Variants in TRMT1L observed in about 807,000 individuals in gnomAD.
The protein encoded by TRMT1L is tRNA (guanine(27)-N(2))-dimethyltransferase.
In TRMT1L, 28 loss-of-function variants were observed where a neutral mutation model predicts 81.6. The ratio of observed to expected loss-of-function variants is 0.34; its 90% confidence interval spans 0.25 to 0.47. The LOEUF is 0.47. Ranked by LOEUF, TRMT1L falls within the 20% of genes least tolerant of loss-of-function variation. The pLI, the probability that TRMT1L is intolerant of heterozygous loss-of-function variation, is 1.00. For missense variants in TRMT1L, 739 were observed against 877.1 expected, an observed-to-expected ratio of 0.84 and a Z score of 1.99; for synonymous variants, 301 against 303.2, an observed-to-expected ratio of 0.99 and a Z score of 0.07.
At chr1:185,123,997 T>C in intron 12 of TRMT1L, 78 bp from the exon 13 acceptor site, 5 of 816,114 alleles carry the variant, frequency 6.1e-6, no homozygotes, top group Non-Finnish European at 9.1e-6. Context: ...AATAAAAGTT[T>C]ATGAAATTCC....
intron 13 of TRMT1L, among the ~76,000 whole-genome samples, chr1:185,121,693 G>A (rs1389254770): frequency 6.6e-6 from 1 of 151,886 alleles, no homozygotes; most frequent in Non-Finnish European, 1.5e-5. Flanking sequence ...AGCATCTGAG[G>A]CAAAAAATCT....
chr1:185,134,209 G>A (rs1433609342), intron 10 of TRMT1L, among the ~76,000 whole-genome samples: 1 of 151,766 alleles, frequency 6.6e-6, no homozygotes, highest in Non-Finnish European at 1.5e-5. Flanking sequence ...TTGAGAGGGA[G>A]TCTTGCTCTG....
chr1:185,143,830 A>G, intron 6 of TRMT1L, 76 bp downstream of exon 6: 1 of 1,268,520 alleles, frequency 7.9e-7, no homozygotes. Context: ...TTAATATATT[A>G]GAACATAAAG....
intron 11 of TRMT1L, among the ~76,000 whole-genome samples, chr1:185,128,090 G>C (rs543229713): frequency 4.4e-4 from 67 of 152,124 alleles, no homozygotes; most frequent in African/African-American, 1.6e-3. Context: ...CTCCAGCCTG[G>C]GTGACAAGAG....
intron 3 of TRMT1L, 28 bp from the exon 4 acceptor site, chr1:185,147,274 A>G (rs761704698): frequency 6.5e-7 from 1 of 1,536,492 alleles, no homozygotes; most frequent in Admixed American, 1.8e-5. Flanking sequence ...TGGTTATCAT[A>G]CATTGTTCAT....
At chr1:185,141,188 G>A (rs189771073) in intron 7 of TRMT1L, among the ~76,000 whole-genome samples, 2 of 152,082 alleles carry the variant, frequency 1.3e-5, no homozygotes, top group African/African-American at 2.4e-5. Context: ...CTCCATACAC[G>A]TGTCTCATGA....
At chr1:185,126,763 C>T (rs373836471) in intron 11 of TRMT1L, among the ~76,000 whole-genome samples, 8 of 152,132 alleles carry the variant, frequency 5.3e-5, no homozygotes, top group East Asian at 3.9e-4. Flanking sequence ...CCCAGCACTT[C>T]GGGAGGCCGA....
chr1:185,147,082 C>A, intron 4 of TRMT1L, 100 bp downstream of exon 4: 1 of 673,022 alleles, frequency 1.5e-6, no homozygotes, highest in Admixed American at 2.8e-5. Flanking sequence ...AAGTAAACCA[C>A]ACTGCTGAAC....
At chr1:185,151,787 G>T in intron 2 of TRMT1L, 38 bp downstream of exon 2, 2 of 1,319,588 alleles carry the variant, frequency 1.5e-6, no homozygotes, top group African/African-American at 1.5e-5. Context: ...TAAATTATTA[G>T]AAACTAAGAA....
At chr1:185,131,659 TTTAAATAAGAGTTGGAAAATAAAAA>T (rs1476134281) in intron 10 of TRMT1L, among the ~76,000 whole-genome samples, 1 of 150,540 alleles carries the variant, frequency 6.6e-6, no homozygotes, top group East Asian at 1.9e-4. Flanking sequence ...ATGACAGAAA[TTTAAATAAGAGTTGGAAAATAAAAA>T]TTAAGGAAAA....
intron 4 of TRMT1L, 126 bp downstream of exon 4, chr1:185,147,056 G>A: frequency 3.9e-6 from 2 of 510,696 alleles, no homozygotes; most frequent in Non-Finnish European, 6.8e-6. Flanking sequence ...AATCTGAAAG[G>A]ACTCAGAGAA....
intron 4 of TRMT1L, among the ~76,000 whole-genome samples, chr1:185,146,771 T>C (rs868275934): frequency 3.9e-5 from 6 of 152,028 alleles, no homozygotes; most frequent in African/African-American, 9.7e-5. Context: ...TTCTCTAAGA[T>C]TGAACTCAAA....
rs867744884 is a variant in TRMT1L at position 185,139,913 on chromosome 1, C to T, written c.1109+60G>A. 16 of 1,532,364 alleles carry T rather than the reference C, an allele frequency of 1.0e-5. No individual in the cohort carries two copies. The Middle Eastern group carries it at 1.9e-3, about 185-fold the overall frequency. The allele number at this position is 1,532,364 out of a possible 1,614,324, so 94.9% of individuals were successfully genotyped here. ...AAAACTGTCTTAATTTTTAACTACTCCTCGTCCCCAAAATTTCAGATAAGT... is the reference window on the plus strand; with the variant it reads ...AAAACTGTCTTAATTTTTAACTACTTCTCGTCCCCAAAATTTCAGATAAGT... On this transcript the variant is annotated intron_variant, in intron 8 of 14. Coordinates refer to ENST00000367506, the MANE Select transcript of TRMT1L (RefSeq NM_030934.5).
At chr1:185,124,348 T>TC (rs1305938676) in intron 12 of TRMT1L, among the ~76,000 whole-genome samples, 1 of 151,844 alleles carries the variant, frequency 6.6e-6, no homozygotes, top group Admixed American at 6.6e-5. Flanking sequence ...AGTGTTTTTT[T>TC]TTTCTTTTTT....
intron 11 of TRMT1L, among the ~76,000 whole-genome samples, chr1:185,127,429 T>C (rs906170250): frequency 1.3e-5 from 2 of 152,134 alleles, no homozygotes; most frequent in Admixed American, 6.5e-5. Context: ...AATTTGCAAT[T>C]CTTGTCACAA....
intron 3 of TRMT1L, among the ~76,000 whole-genome samples, chr1:185,148,947 C>A (rs1019435763): frequency 1.3e-5 from 2 of 152,144 alleles, no homozygotes; most frequent in African/African-American, 2.4e-5. Flanking sequence ...ACACTCCAAC[C>A]ATATTTTACA....
chr1:185,121,443 TAAAA>T (rs879814063), intron 13 of TRMT1L, among the ~76,000 whole-genome samples: 2 of 144,352 alleles, frequency 1.4e-5, no homozygotes, highest in Non-Finnish European at 3.1e-5. Context: ...CCCTGTCTCT[TAAAA>T]AAAAAAAAGT....
intron 11 of TRMT1L, among the ~76,000 whole-genome samples, chr1:185,125,710 T>C (rs1652606994): frequency 1.3e-5 from 2 of 152,158 alleles, no homozygotes; most frequent in Admixed American, 6.5e-5. Context: ...AAAAAATAAT[T>C]TATTGAACTC....
At chr1:185,154,825 C>A (rs1653449844) in intron 1 of TRMT1L, among the ~76,000 whole-genome samples, 1 of 152,198 alleles carries the variant, frequency 6.6e-6, no homozygotes, top group African/African-American at 2.4e-5. Flanking sequence ...GCAAAATACT[C>A]AATCTGCTTT....
Sources: allele counts gnomAD v4.1 joint callset (sites outside exome capture counted in the v4.1 genomes callset), GRCh38; gene constraint gnomAD v4.1.1; transcripts MANE v1.5; gene names NCBI Gene and HGNC (gene_info 2026-07-23, HGNC 2026-07-21).